Variants in TM9SF2 observed in about 807,000 individuals in gnomAD.
TM9SF2 encodes 76 kDa membrane protein.
A neutral mutation model predicts 84.9 loss-of-function variants in TM9SF2; 13 were observed. The ratio of observed to expected loss-of-function variants is 0.15; its 90% confidence interval spans 0.10 to 0.24. The LOEUF is 0.24. Among genes scored for constraint, TM9SF2 ranks in the 10% least tolerant of loss-of-function variants. TM9SF2 has a pLI of 1.00. For missense variants in TM9SF2, 562 were observed against 818.5 expected (o/e 0.69, Z 3.82); for synonymous variants, 273 against 285.8 (o/e 0.96, Z 0.45).
chr13:99,560,943 G>C (rs9557255), intron 16 of TM9SF2, among the ~76,000 whole-genome samples: 8,823 of 152,194 alleles, frequency 0.058, 987 homozygotes, highest in East Asian at 0.51. Flanking sequence ...TTGGCCTCCC[G>C]AAGTGCTCGG....
intron 1 of TM9SF2, among the ~76,000 whole-genome samples, chr13:99,508,386 GAAA>G (rs376911701): frequency 8.0e-6 from 1 of 125,380 alleles, no homozygotes; most frequent in African/African-American, 3.2e-5. Flanking sequence ...TTTAGAGTGG[GAAA>G]AAAAAGGCAA....
intron 15 of TM9SF2, among the ~76,000 whole-genome samples, chr13:99,558,626 G>A (rs189832706): frequency 6.6e-6 from 1 of 152,158 alleles, no homozygotes; most frequent in Admixed American, 6.5e-5. Flanking sequence ...TTTCTTCTCA[G>A]ATTGCTCATT....
At chr13:99,518,370 C>G (rs1000771829) in intron 2 of TM9SF2, among the ~76,000 whole-genome samples, 1 of 152,252 alleles carries the variant, frequency 6.6e-6, no homozygotes, top group African/African-American at 2.4e-5. Flanking sequence ...CTTGGCCTCC[C>G]AAAGTGATGG....
In TM9SF2 at chr13:99,559,545, A is replaced by C. The variant is rs1486502489; in HGVS notation, c.1924+11A>C. The C allele has an allele frequency of 1.3e-6, 2 of 1,566,866 alleles. No individual in the cohort carries two copies. The highest frequency in any genetic ancestry group is 2.0e-5 in the Admixed American group (1 of 50,186). Reference sequence around the variant, plus strand: ...TCTTTCTTTTTACAGGTAAAATTATAATTTAAGTGATTATTTTTATTTTGT... The same window carrying C: ...TCTTTCTTTTTACAGGTAAAATTATCATTTAAGTGATTATTTTTATTTTGT... On this transcript the variant is annotated intron_variant, in intron 16 of 16. Transcript: ENST00000376387.
Position 99,563,316 on chromosome 13 carries a change from T to G in TM9SF2, c.*558T>G, listed in dbSNP as rs776047489. The G allele has an allele frequency of 2.6e-5, 4 of 152,244 alleles. No individual in the cohort carries two copies. Among genetic ancestry groups the G allele is most frequent in the Non-Finnish European group, 5.9e-5 (4 of 68,038 alleles). The allele number at this position is 152,244 out of a possible 1,614,324, so 9.4% of individuals were successfully genotyped here. A position where few individuals can be genotyped will look rare whatever the true frequency, so the allele number is the denominator to read the frequency against. On this transcript the variant is annotated 3_prime_UTR_variant, in exon 17 of 17. Transcript: ENST00000376387. ...TGTTGACTTCATTATTCCCATGGTA[T>G]TGGCCTTTTAAACTATGTGCCTCTG...
intron 1 of TM9SF2, among the ~76,000 whole-genome samples, chr13:99,509,255 C>G (rs1329988284): frequency 6.6e-6 from 1 of 152,124 alleles, no homozygotes; most frequent in Middle Eastern, 3.2e-3. Context: ...TGTAAGCTGC[C>G]AATGAATCTA....
At chr13:99,533,570 A>G (rs1483793486) in intron 4 of TM9SF2, among the ~76,000 whole-genome samples, 1 of 152,218 alleles carries the variant, frequency 6.6e-6, no homozygotes, top group Non-Finnish European at 1.5e-5. Flanking sequence ...CACCCATGAC[A>G]TTGGAACCGT....
At chr13:99,553,942 C>T (rs999832704) in intron 13 of TM9SF2, among the ~76,000 whole-genome samples, 1 of 152,220 alleles carries the variant, frequency 6.6e-6, no homozygotes, top group African/African-American at 2.4e-5. Context: ...CCAGAACCAG[C>T]TGATTTCTTA....
intron 7 of TM9SF2, 103 bp downstream of exon 7, chr13:99,539,660 C>G: frequency 1.3e-6 from 1 of 778,992 alleles, no homozygotes; most frequent in Non-Finnish European, 2.1e-6. Context: ...AATAAAGAAG[C>G]TATTAATGAG....
intron 3 of TM9SF2, among the ~76,000 whole-genome samples, chr13:99,521,672 G>A (rs919460816): frequency 6.6e-6 from 1 of 152,134 alleles, no homozygotes; most frequent in Non-Finnish European, 1.5e-5. Flanking sequence ...GATTGGTTTT[G>A]ACTGTAAATA....
intron 13 of TM9SF2, 143 bp downstream of exon 13, chr13:99,552,469 T>C (rs2046309152): frequency 1.1e-6 from 1 of 873,208 alleles, no homozygotes; most frequent in Non-Finnish European, 1.7e-6. Context: ...TTTAAAATAG[T>C]AGTATTATTT....
intron 9 of TM9SF2, among the ~76,000 whole-genome samples, chr13:99,542,684 C>T (rs2046266008): frequency 6.6e-6 from 1 of 152,010 alleles, no homozygotes; most frequent in African/African-American, 2.4e-5. Flanking sequence ...ACTCTATAGT[C>T]TCTTTCCTAT....
At chr13:99,531,339 A>C (rs977691592) in intron 4 of TM9SF2, among the ~76,000 whole-genome samples, 2 of 152,176 alleles carry the variant, frequency 1.3e-5, no homozygotes, top group African/African-American at 2.4e-5. Flanking sequence ...GACTGTGTTC[A>C]TGCACTTCCT....
intron 1 of TM9SF2, among the ~76,000 whole-genome samples, chr13:99,503,551 A>G (rs568919903): frequency 1.3e-5 from 2 of 152,254 alleles, no homozygotes; most frequent in Non-Finnish European, 2.9e-5. Context: ...TCTACTAAAA[A>G]TACAAAAATT....
At position 99,563,118 on chromosome 13, in the gene TM9SF2, A is replaced by G. The variant is rs2046351296; in HGVS notation, c.*360A>G. 1 of 165,184 alleles carries G rather than the reference A, an allele frequency of 6.1e-6. No individual in the cohort carries two copies. Among genetic ancestry groups the G allele is most frequent in the South Asian group, 2.0e-4 (1 of 5,044 alleles). The allele number at this position is 165,184 out of a possible 1,614,324, so 10.2% of individuals were successfully genotyped here. On this transcript the variant is annotated 3_prime_UTR_variant, in exon 17 of 17. Coordinates refer to ENST00000376387, the MANE Select transcript of TM9SF2 (RefSeq NM_004800.3). ...GATGAAAGGCAGGACACTGCATTGT[A>G]AATAGGATTTTCTAGGCTCGGTAGG...
In TM9SF2 at chr13:99,525,611, A is replaced by G. The variant is rs1566566197; in HGVS notation, c.334-3856A>G. On this transcript the variant is annotated intron_variant, in intron 3 of 16. Coordinates refer to ENST00000376387, the MANE Select transcript of TM9SF2 (RefSeq NM_004800.3). Reference sequence around the variant, plus strand: ...TGCTCTGTAGCCCAGGCTGGAGTGCAGTGGCGTGATCTCGGCTTACTGCAA... The same window carrying G: ...TGCTCTGTAGCCCAGGCTGGAGTGCGGTGGCGTGATCTCGGCTTACTGCAA... 2.7e-5 allele frequency among the ~76,000 whole-genome samples: 4 copies of G among 146,462 alleles called. 1 individual carries two copies. In the South Asian group the frequency reaches 8.6e-4, roughly 31 times the overall value.
chr13:99,529,019 CT>C (rs1315860195), intron 3 of TM9SF2, among the ~76,000 whole-genome samples: 1 of 151,782 alleles, frequency 6.6e-6, no homozygotes, highest in African/African-American at 2.4e-5. Context: ...ACTGCTGAAT[CT>C]CTATCACCTG....
intron 5 of TM9SF2, 36 bp downstream of exon 5, chr13:99,536,773 A>G: frequency 6.2e-7 from 1 of 1,606,620 alleles, no homozygotes; most frequent in South Asian, 1.1e-5. Flanking sequence ...GCTTTTTAAA[A>G]CATGGCTTTT....
chr13:99,543,737 G>A, intron 9 of TM9SF2, 126 bp from the exon 10 acceptor site: 1 of 1,211,130 alleles, frequency 8.3e-7, no homozygotes, highest in South Asian at 1.7e-5. Flanking sequence ...ATTGAAATAG[G>A]TACTAACATT....
Sources: gnomAD v4.1 joint callset for allele counts (sites outside exome capture counted in the v4.1 genomes callset) on GRCh38, gnomAD v4.1.1 for gene constraint, MANE v1.5 for transcripts, NCBI Gene and HGNC (gene_info 2026-07-23, HGNC 2026-07-21) for gene names.